The following ZBBX variants were observed in gnomAD, a reference collection of about 807,000 sequenced individuals.
ZBBX encodes the protein zinc finger B-box domain containing.
ZBBX carries 101 observed loss-of-function variants against 108.5 expected under a neutral mutation model. That is an observed-to-expected ratio of 0.93 (90% CI 0.79 to 1.10). ZBBX has a LOEUF of 1.10. Among genes scored for constraint, ZBBX ranks in the 50% least tolerant of loss-of-function variants. The probability of loss-of-function intolerance (pLI) is 0.00; values close to 1 mark genes in which losing one functional copy is unlikely to be tolerated. For synonymous variants in ZBBX, 356 were observed against 323.4 expected (o/e 1.10, Z -1.08); for missense variants, 1,009 against 941.4 (o/e 1.07, Z -0.94).
At chr3:167,369,530 A>T (rs1445242755) in intron 4 of ZBBX, among the ~76,000 whole-genome samples, 1 of 152,232 alleles carries the variant, frequency 6.6e-6, no homozygotes, top group African/African-American at 2.4e-5. Flanking sequence ...TGGCTAAGAT[A>T]CAGAAAGAGA....
intron 10 of ZBBX, among the ~76,000 whole-genome samples, chr3:167,329,884 T>A (rs1738125501): frequency 6.6e-6 from 1 of 152,202 alleles, no homozygotes. Flanking sequence ...ATAGTGTGTT[T>A]GGCTGCAAGG....
the ZBBX span, among the ~76,000 whole-genome samples, chr3:167,197,238 G>A: frequency 1.3e-5 from 2 of 152,120 alleles, no homozygotes; most frequent in Non-Finnish European, 2.9e-5. Context: ...TCATTAAGGA[G>A]TTAAGAATTT....
intron 20 of ZBBX, among the ~76,000 whole-genome samples, chr3:167,273,908 G>A (rs912112045): frequency 8.5e-5 from 13 of 152,106 alleles, no homozygotes; most frequent in African/African-American, 2.9e-4. Flanking sequence ...ATTTCCATGG[G>A]TAACTATTAA....
At chr3:167,208,679 A>G in the ZBBX span, among the ~76,000 whole-genome samples, 3 of 152,220 alleles carry the variant, frequency 2.0e-5, no homozygotes, top group Admixed American at 6.5e-5. Context: ...ATTACTTCCC[A>G]TAGGCTTAGA....
At chr3:167,328,466 C>T (rs1443362555) in intron 10 of ZBBX, among the ~76,000 whole-genome samples, 1 of 145,530 alleles carries the variant, frequency 6.9e-6, no homozygotes, top group African/African-American at 2.5e-5. Flanking sequence ...CTCCCCGCAA[C>T]CTTCTCATAT....
chr3:167,360,576 A>G lies in ZBBX; in HGVS notation c.322+99T>C, dbSNP rs184650129. The G allele has an allele frequency of 2.6e-4, 175 of 665,724 alleles. No individual in the cohort carries two copies. In the African/African-American group the frequency reaches 2.9e-3, roughly 11 times the overall value. The allele number at this position is 665,724 out of a possible 1,614,324, so 41.2% of individuals were successfully genotyped here. A position where few individuals can be genotyped will look rare whatever the true frequency, so the allele number is the denominator to read the frequency against. On this transcript the variant is annotated intron_variant, in intron 7 of 21. Transcript: ENST00000675490. ...TGATTTGGGGGTTTAGAATCTTTATACTGCCCGGACAATTCTAAAACTTTA... is the reference window on the plus strand; with the variant it reads ...TGATTTGGGGGTTTAGAATCTTTATGCTGCCCGGACAATTCTAAAACTTTA...
At position 167,291,734 on chromosome 3, in the gene ZBBX, T is replaced by A. The variant is rs1175677712; in HGVS notation, c.1880-2751A>T. ...TAACCTTAAATGTAAATGGGCTAAA[T>A]GCCCCAATTAAAAGACACAGACTCA... is the stretch of plus-strand genomic sequence containing the variant. On this transcript the variant is annotated intron_variant, in intron 18 of 21. Coordinates refer to ENST00000675490, the MANE Select transcript of ZBBX (RefSeq NM_001199201.2). Among the ~76,000 whole-genome samples, 6 of 152,254 alleles carry A rather than the reference T, an allele frequency of 3.9e-5. No individual in the cohort carries two copies. In the East Asian group the frequency reaches 1.2e-3, roughly 29 times the overall value.
intron 1 of ZBBX, among the ~76,000 whole-genome samples, chr3:167,386,949 A>G (rs1747939209): frequency 6.6e-6 from 1 of 152,012 alleles, no homozygotes; most frequent in Non-Finnish European, 1.5e-5. Context: ...TCCAATCCCC[A>G]AGGGCAGATT....
chr3:167,262,207 G>T (rs986968200), intron 20 of ZBBX, among the ~76,000 whole-genome samples: 8 of 5,776 alleles, frequency 1.4e-3, no homozygotes, highest in African/African-American at 4.8e-3. Context: ...TTTGTGGGTC[G>T]GGGGGGGCGT....
chr3:167,229,717 G>A, the ZBBX span, among the ~76,000 whole-genome samples: 1 of 151,648 alleles, frequency 6.6e-6, no homozygotes, highest in Non-Finnish European at 1.5e-5. Context: ...GTAATAATAA[G>A]AGTATAAAAA....
chr3:167,352,994 A>T (rs1425697027), intron 8 of ZBBX, among the ~76,000 whole-genome samples: 1 of 152,146 alleles, frequency 6.6e-6, no homozygotes, highest in African/African-American at 2.4e-5. Context: ...AAGTCATAAG[A>T]CAACAAACCC....
the ZBBX span, among the ~76,000 whole-genome samples, chr3:167,212,549 T>C: frequency 0.013 from 2,035 of 152,128 alleles, 22 homozygotes; most frequent in South Asian, 0.026. Flanking sequence ...ACCCACATAC[T>C]CCCACAGCTT....
rs868109930 is a variant in ZBBX at position 167,279,052 on chromosome 3, C to G, written c.2254+3186G>C. 1.3e-4 allele frequency among the ~76,000 whole-genome samples: 19 copies of G among 151,644 alleles called. No individual in the cohort carries two copies. In the Middle Eastern group the frequency reaches 0.01, roughly 81 times the overall value. On this transcript the variant is annotated intron_variant, in intron 20 of 21. Transcript: ENST00000675490. The stretch of plus-strand genomic sequence containing the variant: ...AAAGCCTTTGACAAAATCCAACAAC[C>G]CTTCATGCTAAAAACTCTCAATAAA...
At position 167,288,930 on chromosome 3, in the gene ZBBX, T is replaced by C. The variant is rs1190071216; in HGVS notation, c.1933A>G (p.Ile645Val). The C allele has an allele frequency of 1.4e-5, 22 of 1,545,176 alleles. No homozygotes were observed. Among genetic ancestry groups the C allele is most frequent in the African/African-American group, 6.9e-5 (5 of 72,992 alleles). Residue 645 changes from isoleucine (I) to valine (V), a missense_variant, in exon 19 of 22, where the codon ATT becomes GTT. Coordinates refer to ENST00000675490, the MANE Select transcript of ZBBX (RefSeq NM_001199201.2). ...GCACCCTGCAGAACACCCAAGACAA[T>C]TGCATTATCAGCATATTCACTTAAG... ...HSLSEYADNA[I>V]VLGVLQGAQS...
intron 15 of ZBBX, 70 bp from the exon 16 acceptor site, chr3:167,314,186 C>G (rs1735057684): frequency 5.9e-6 from 8 of 1,351,868 alleles, no homozygotes; most frequent in Non-Finnish European, 7.9e-6. Context: ...TTTTAAAAGT[C>G]CCAAGTCATT....
the ZBBX span, among the ~76,000 whole-genome samples, chr3:167,231,744 CTTTTTAAACAAG>C: frequency 6.6e-6 from 1 of 151,698 alleles, no homozygotes; most frequent in African/African-American, 2.4e-5. Context: ...ATTCTGCCTC[CTTTTTAAACAAG>C]TTTTCCCAAA....
the ZBBX span, among the ~76,000 whole-genome samples, chr3:167,215,937 T>G: frequency 6.6e-6 from 1 of 152,208 alleles, no homozygotes; most frequent in Non-Finnish European, 1.5e-5. Context: ...CATTGATTCA[T>G]GTTAAAAACT....
chr3:167,245,708 T>C (rs1721452220), intron 20 of ZBBX, among the ~76,000 whole-genome samples: 1 of 152,162 alleles, frequency 6.6e-6, no homozygotes, highest in African/African-American at 2.4e-5. Context: ...TTCCTCCTGC[T>C]CTGGCCATGT....
At chr3:167,332,290 AACAC>A (rs58297167) in intron 10 of ZBBX, among the ~76,000 whole-genome samples, 2 of 148,756 alleles carry the variant, frequency 1.3e-5, no homozygotes, top group African/African-American at 4.9e-5. Flanking sequence ...CACACACACA[AACAC>A]ACACACACAC....
Sources: gnomAD v4.1 joint callset for allele counts (sites outside exome capture counted in the v4.1 genomes callset) on GRCh38, gnomAD v4.1.1 for gene constraint, MANE v1.5 for transcripts, NCBI Gene and HGNC (gene_info 2026-07-23, HGNC 2026-07-21) for gene names.